MARCHF1: variants seen among roughly 807,000 people sequenced by gnomAD.
MARCHF1 encodes membrane associated ring-CH-type finger 1.
MARCHF1 carries 40 observed loss-of-function variants against 54.2 expected under a neutral mutation model. The ratio of observed to expected loss-of-function variants is 0.74; its 90% confidence interval spans 0.57 to 0.96. MARCHF1 has a LOEUF of 0.96. Ranked by LOEUF, MARCHF1 falls within the 40% of genes least tolerant of loss-of-function variation. The probability of loss-of-function intolerance (pLI) is 0.00; values close to 1 mark genes in which losing one functional copy is unlikely to be tolerated. For synonymous variants in MARCHF1, 236 were observed against 236.3 expected (o/e 1.00, Z 0.01); for missense variants, 586 against 656.5 (o/e 0.89, Z 1.17).
intron 1 of MARCHF1, among the ~76,000 whole-genome samples, chr4:164,246,844 A>G (rs1560972374): frequency 1.5e-5 from 2 of 129,998 alleles, no homozygotes; most frequent in African/African-American, 5.6e-5. Context: ...GCAGCCAAAA[A>G]ACACATGAAA....
intron 1 of MARCHF1, among the ~76,000 whole-genome samples, chr4:164,210,200 G>A (rs1290459173): frequency 2.0e-5 from 3 of 152,120 alleles, no homozygotes; most frequent in African/African-American, 4.8e-5. Flanking sequence ...AGAAAACTGT[G>A]ACATTTTCCT....
At chr4:164,277,457 T>C (rs1447485655) in intron 1 of MARCHF1, among the ~76,000 whole-genome samples, 3 of 152,244 alleles carry the variant, frequency 2.0e-5, no homozygotes, top group Admixed American at 2.0e-4. Flanking sequence ...ACTCCTCTCC[T>C]ACTAGCTTCT....
At chr4:164,124,808 G>T (rs1756145792) in intron 1 of MARCHF1, among the ~76,000 whole-genome samples, 1 of 151,812 alleles carries the variant, frequency 6.6e-6, no homozygotes, top group Non-Finnish European at 1.5e-5. Context: ...GGGTAAGTGG[G>T]GACAGTTAGT....
intron 2 of MARCHF1, among the ~76,000 whole-genome samples, chr4:164,064,654 G>A (rs1306611424): frequency 6.6e-6 from 1 of 152,124 alleles, no homozygotes; most frequent in Non-Finnish European, 1.5e-5. Flanking sequence ...TCTGTTGCCT[G>A]ATCGCCCTGG....
chr4:163,991,637 C>G (rs1156739845), intron 2 of MARCHF1, among the ~76,000 whole-genome samples: 1 of 152,126 alleles, frequency 6.6e-6, no homozygotes, highest in Admixed American at 6.5e-5. Flanking sequence ...CCAGAATAAT[C>G]GTGGATACAG....
intron 8 of MARCHF1, among the ~76,000 whole-genome samples, chr4:163,551,156 G>GA (rs2110940068): frequency 6.6e-6 from 1 of 152,192 alleles, no homozygotes; most frequent in African/African-American, 2.4e-5. Flanking sequence ...CAGGTCGACT[G>GA]AAAAAAATTA....
chr4:163,707,786 T>TA (rs777522371), intron 4 of MARCHF1, among the ~76,000 whole-genome samples: 8,584 of 65,832 alleles, frequency 0.13, 596 homozygotes, highest in African/African-American at 0.23. Flanking sequence ...TGTTTTGAAC[T>TA]AAAAAAAAAA....
At chr4:163,683,674 G>A (rs1430855566) in intron 5 of MARCHF1, among the ~76,000 whole-genome samples, 1 of 152,172 alleles carries the variant, frequency 6.6e-6, no homozygotes, top group African/African-American at 2.4e-5. Context: ...TCTTCCTGCT[G>A]GGGTAAAGGG....
chr4:163,836,282 A>G lies in MARCHF1; in HGVS notation c.111+17739T>C, dbSNP rs559370252. On this transcript the variant is annotated intron_variant, in intron 4 of 9. Transcript: ENST00000514618. The stretch of plus-strand genomic sequence containing the variant: ...TTATTTAGAGATGGAGTCTCGCTCT[A>G]TCATCCAGGCTGGAGTGCAGTGGCA... 2.7e-3 allele frequency among the ~76,000 whole-genome samples: 413 copies of G among 150,708 alleles called. 1 individual carries two copies. Among genetic ancestry groups the G allele is most frequent in the African/African-American group, 9.1e-3 (375 of 41,104 alleles).
chr4:163,863,462 G>T, intron 3 of MARCHF1, among the ~76,000 whole-genome samples: 1 of 152,022 alleles, frequency 6.6e-6, no homozygotes, highest in East Asian at 1.9e-4. Context: ...TAGAAGATCG[G>T]GTTTTTAATT....
At chr4:163,733,619 C>A (rs1334987084) in intron 4 of MARCHF1, among the ~76,000 whole-genome samples, 1 of 151,760 alleles carries the variant, frequency 6.6e-6, no homozygotes, top group African/African-American at 2.4e-5. Flanking sequence ...CCCTACCCCA[C>A]AACAGTCCCC....
chr4:163,634,205 C>A (rs1454730163), intron 5 of MARCHF1, among the ~76,000 whole-genome samples: 1 of 151,838 alleles, frequency 6.6e-6, no homozygotes, highest in Non-Finnish European at 1.5e-5. Flanking sequence ...GCAAAATAAC[C>A]AGCTAACATC....
intron 4 of MARCHF1, among the ~76,000 whole-genome samples, chr4:163,757,685 T>C (rs1393615329): frequency 6.6e-6 from 1 of 152,224 alleles, no homozygotes; most frequent in Non-Finnish European, 1.5e-5. Flanking sequence ...CCTTCATAGC[T>C]TGAGAAGCAA....
At chr4:163,791,455 A>G (rs2110940046) in intron 4 of MARCHF1, among the ~76,000 whole-genome samples, 1 of 152,274 alleles carries the variant, frequency 6.6e-6, no homozygotes, top group Admixed American at 6.5e-5. Flanking sequence ...CATATTATAC[A>G]TATTCATATT....
intron 3 of MARCHF1, among the ~76,000 whole-genome samples, chr4:163,966,094 A>T (rs17044333): frequency 0.041 from 6,172 of 152,152 alleles, 304 homozygotes; most frequent in African/African-American, 0.12. Flanking sequence ...ATTTTGTTTC[A>T]AAGAACTGAG....
intron 1 of MARCHF1, among the ~76,000 whole-genome samples, chr4:164,299,864 G>T (rs1734505191): frequency 6.6e-6 from 1 of 152,018 alleles, no homozygotes; most frequent in Admixed American, 6.6e-5. Flanking sequence ...CATGATTATG[G>T]ATTCTTTTCT....
intron 3 of MARCHF1, among the ~76,000 whole-genome samples, chr4:163,979,762 C>T (rs1579437308): frequency 6.6e-6 from 1 of 152,314 alleles, no homozygotes; most frequent in East Asian, 1.9e-4. Context: ...TTGCATTTCT[C>T]TGATGGCCAG....
At chr4:164,176,685 T>C (rs1434945120) in intron 1 of MARCHF1, among the ~76,000 whole-genome samples, 1 of 152,044 alleles carries the variant, frequency 6.6e-6, no homozygotes, top group African/African-American at 2.4e-5. Flanking sequence ...CATTTTTGTG[T>C]TGCTAATTTT....
At chr4:163,710,610 G>A (rs1745079560) in intron 4 of MARCHF1, among the ~76,000 whole-genome samples, 1 of 152,078 alleles carries the variant, frequency 6.6e-6, no homozygotes, top group Non-Finnish European at 1.5e-5. Context: ...TAATTCCTAG[G>A]AGGAGAACCA....
Sources: gnomAD v4.1 joint callset for allele counts (sites outside exome capture counted in the v4.1 genomes callset) on GRCh38, gnomAD v4.1.1 for gene constraint, MANE v1.5 for transcripts, NCBI Gene and HGNC (gene_info 2026-07-23, HGNC 2026-07-21) for gene names.